Variants in GPN3 observed in about 807,000 individuals in gnomAD.
GPN3 encodes ATP-binding domain 1 family member C.
Under a neutral mutation model 38.7 loss-of-function variants are expected in GPN3, and 31 were observed. That is an observed-to-expected ratio of 0.80 (90% confidence interval 0.60 to 1.08). The LOEUF (loss-of-function observed/expected upper bound fraction) is 1.08. Among genes scored for constraint, GPN3 ranks in the 50% least tolerant of loss-of-function variants. The pLI is 0.00. For synonymous variants in GPN3, 116 were observed against 120.2 expected (o/e 0.96, Z 0.23); for missense variants, 301 against 354.4 (o/e 0.85, Z 1.21).
intron 2 of GPN3, 123 bp from the exon 3 acceptor site, chr12:110,459,985 AC>A (rs2062575918): frequency 2.7e-6 from 2 of 737,174 alleles, no homozygotes; most frequent in Admixed American, 5.3e-5. Flanking sequence ...TTATTTATGT[AC>A]ATGGCTTTTC....
chr12:110,454,947 C>T (rs921269210), intron 6 of GPN3, among the ~76,000 whole-genome samples: 15 of 151,870 alleles, frequency 9.9e-5, no homozygotes, highest in Admixed American at 2.0e-4. Context: ...CTCAGCCTCC[C>T]GAATAGCTGG....
chr12:110,456,199 T>C (rs1479900712), intron 4 of GPN3, among the ~76,000 whole-genome samples: 1 of 151,948 alleles, frequency 6.6e-6, no homozygotes, highest in Non-Finnish European at 1.5e-5. Flanking sequence ...CATGGTGGCA[T>C]GTGCCTGTAA....
At chr12:110,466,294 C>T (rs1384849400) in intron 1 of GPN3, among the ~76,000 whole-genome samples, 1 of 152,146 alleles carries the variant, frequency 6.6e-6, no homozygotes, top group Non-Finnish European at 1.5e-5. Context: ...ATACAACCCC[C>T]AGGGCCCAAA....
At chr12:110,460,964 A>G (rs2062583436) in intron 2 of GPN3, 2 of 1,137,730 alleles carry the variant, frequency 1.8e-6, no homozygotes, top group Non-Finnish European at 2.7e-6. Context: ...ACTCCATCTC[A>G]CTTTCCAACT....
intron 2 of GPN3, among the ~76,000 whole-genome samples, chr12:110,460,532 A>G (rs1416255725): frequency 6.6e-6 from 1 of 152,198 alleles, no homozygotes; most frequent in African/African-American, 2.4e-5. Flanking sequence ...CTATGAGATA[A>G]TATATCAAAA....
Position 110,460,921 on chromosome 12 carries a change from G to A in GPN3, c.158-1059C>T, listed in dbSNP as rs528454166. The A allele has an allele frequency of 9.1e-6, 7 of 771,742 alleles. 1 individual carries two copies. Among genetic ancestry groups the A allele is most frequent in the South Asian group, 8.9e-5 (6 of 67,396 alleles). 47.8% of individuals were successfully genotyped at this position (771,742 alleles called of 1,614,324 possible). ...AGAGGTTGCAGTGAGCCAAGATCAC[G>A]CCACTGCTCTCAAGCCCAGGCGACA... On this transcript the variant is annotated intron_variant, in intron 2 of 7. Transcript: ENST00000228827.
intron 2 of GPN3, among the ~76,000 whole-genome samples, chr12:110,462,164 C>G (rs2062594126): frequency 6.6e-6 from 1 of 152,140 alleles, no homozygotes; most frequent in Non-Finnish European, 1.5e-5. Context: ...TTTAACTAAG[C>G]TAGCTTAGAG....
rs2062583779 is a variant in GPN3, at chr12:110,460,994, C to T, written c.158-1132G>A. On this transcript the variant is annotated intron_variant, in intron 2 of 7. Transcript: ENST00000228827. ...CCAACTTGGACCCAGCAGAATGGCT[C>T]CTGCAAAGAAGGGTGGCGAGAAGAA... 15 of 1,489,360 alleles carry T rather than the reference C, an allele frequency of 1.0e-5. No individual in the cohort carries two copies. In the South Asian group the frequency reaches 1.7e-4, roughly 17 times the overall value. The allele number at this position is 1,489,360 out of a possible 1,614,324, so 92.3% of individuals were successfully genotyped here.
At chr12:110,462,199 T>C (rs573101441) in intron 2 of GPN3, among the ~76,000 whole-genome samples, 6 of 152,254 alleles carry the variant, frequency 3.9e-5, no homozygotes, top group South Asian at 2.1e-4. Context: ...TGCAGCCAAA[T>C]GGTTCCAAAG....
chr12:110,462,394 A>G (rs1488476963), intron 2 of GPN3, among the ~76,000 whole-genome samples: 1 of 152,106 alleles, frequency 6.6e-6, no homozygotes, highest in Admixed American at 6.6e-5. Context: ...ATTATATCAT[A>G]CACTGAACAA....
intron 1 of GPN3, among the ~76,000 whole-genome samples, chr12:110,466,285 T>C (rs1193441296): frequency 3.9e-5 from 6 of 152,072 alleles, no homozygotes; most frequent in Non-Finnish European, 7.4e-5. Context: ...TTTTTCCCCA[T>C]ACAACCCCCA....
Position 110,468,230 on chromosome 12 carries a change from C to G in GPN3, c.-27G>C. 2 of 1,607,722 alleles carry G rather than the reference C, an allele frequency of 1.2e-6. No homozygotes were observed. Among genetic ancestry groups the G allele is most frequent in the Non-Finnish European group, 1.7e-6 (2 of 1,179,910 alleles). Reference sequence around the variant, plus strand: ...TTGGCTCCCGGAGCCGCCCGCCACACTCCCTTAGCCTTCGCGCGACGCCCA... The same window carrying G: ...TTGGCTCCCGGAGCCGCCCGCCACAGTCCCTTAGCCTTCGCGCGACGCCCA... On this transcript the variant is annotated 5_prime_UTR_variant, in exon 1 of 8. Coordinates refer to ENST00000228827, the MANE Select transcript of GPN3 (RefSeq NM_016301.4).
intron 2 of GPN3, chr12:110,461,095 G>A (rs2135522668): frequency 6.8e-7 from 1 of 1,469,092 alleles, no homozygotes; most frequent in Admixed American, 1.7e-5. Flanking sequence ...TCTATGGAGT[G>A]GGCTTCAAGA....
intron 7 of GPN3, among the ~76,000 whole-genome samples, chr12:110,453,355 A>G (rs1193855773): frequency 6.6e-6 from 1 of 152,178 alleles, no homozygotes; most frequent in Non-Finnish European, 1.5e-5. Flanking sequence ...ATTCTTGGCT[A>G]ATTTCCTGTG....
chr12:110,461,004 A>C lies in GPN3; in HGVS notation c.158-1142T>G, dbSNP rs190604842. 4.7e-5 allele frequency: 73 copies of C among 1,552,748 alleles called. No individual in the cohort carries two copies. In the East Asian group the frequency reaches 1.6e-3, roughly 34 times the overall value. Reference sequence around the variant, plus strand: ...CCCAGCAGAATGGCTCCTGCAAAGAAGGGTGGCGAGAAGAAAAAGGGCCAT... The same window carrying C: ...CCCAGCAGAATGGCTCCTGCAAAGACGGGTGGCGAGAAGAAAAAGGGCCAT... On this transcript the variant is annotated intron_variant, in intron 2 of 7. Transcript: ENST00000228827.
chr12:110,467,966 A>G (rs991660503), intron 1 of GPN3, among the ~76,000 whole-genome samples, 190 bp downstream of exon 1: 2 of 152,220 alleles, frequency 1.3e-5, no homozygotes, highest in African/African-American at 4.8e-5. Context: ...TATACAATAA[A>G]TATTAACAAC....
rs1566302892 is a variant in GPN3, at chr12:110,457,614, G to C, written c.346C>G (p.His116Asp). The C allele has an allele frequency of 6.2e-7, 1 of 1,603,742 alleles. No individual in the cohort carries two copies. The highest frequency in any genetic ancestry group is 2.2e-5 in the East Asian group (1 of 44,830). ...ACCAGCTGTTTCATCACAGGCAGGT[G>C]AGTGTACAACTCAATCTGACCTACA... Reference protein sequence around the residue: ...DCPGQIELYTHLPVMKQLVQQ... With the variant: ...DCPGQIELYTDLPVMKQLVQQ... Residue 116 changes from histidine (H) to aspartate (D), a missense_variant, in exon 4 of 8, where the codon CAC (histidine) becomes GAC (aspartate). Coordinates refer to ENST00000228827, the MANE Select transcript of GPN3 (RefSeq NM_016301.4).
intron 3 of GPN3, among the ~76,000 whole-genome samples, chr12:110,457,992 T>A (rs544445952): frequency 6.6e-6 from 1 of 152,028 alleles, no homozygotes; most frequent in African/African-American, 2.4e-5. Flanking sequence ...TAGCCAGGCG[T>A]GGTGGTGCGC....
chr12:110,461,996 C>T lies in GPN3; in HGVS notation c.158-2134G>A, dbSNP rs987442954. Among the ~76,000 whole-genome samples the T allele has an allele frequency of 2.0e-5, 3 of 152,248 alleles. No individual in the cohort carries two copies. In the East Asian group the frequency reaches 5.8e-4, roughly 29 times the overall value. On this transcript the variant is annotated intron_variant, in intron 2 of 7. Transcript: ENST00000228827. ...GGCTGGGAATAAAGGCACCCGCCAG[C>T]ATGCCAGGCTAATCTTTGTATTGAC...
Sources: allele counts gnomAD v4.1 joint callset (sites outside exome capture counted in the v4.1 genomes callset), GRCh38; gene constraint gnomAD v4.1.1; transcripts MANE v1.5; gene names NCBI Gene and HGNC (gene_info 2026-07-23, HGNC 2026-07-21).